Variants in PXDNL observed in about 807,000 individuals in gnomAD.
The protein encoded by PXDNL is peroxidasin like, also known as probable oxidoreductase PXDNL.
PXDNL carries 145 observed loss-of-function variants against 150.8 expected under a neutral mutation model. The ratio of observed to expected loss-of-function variants is 0.96; its 90% CI spans 0.84 to 1.10. The LOEUF (loss-of-function observed/expected upper bound fraction) is 1.10. Ranked by LOEUF, PXDNL falls within the 50% of genes least tolerant of loss-of-function variation. PXDNL has a pLI of 0.00. For synonymous variants in PXDNL, 757 were observed against 725.7 expected (o/e 1.04, Z -0.69); for missense variants, 2,087 against 1,873.9 (o/e 1.11, Z -2.10).
chr8:51,706,905 C>G (rs1275313627), intron 1 of PXDNL, among the ~76,000 whole-genome samples: 25 of 151,136 alleles, frequency 1.7e-4, no homozygotes, highest in Non-Finnish European at 2.9e-5. Context: ...TATGGAGGGT[C>G]TCCACATAAC....
chr8:51,781,837 A>T (rs1178474025), intron 1 of PXDNL, among the ~76,000 whole-genome samples: 2 of 152,182 alleles, frequency 1.3e-5, no homozygotes, highest in East Asian at 3.9e-4. Context: ...TCCAATCCAG[A>T]GCAAGAAAAG....
At chr8:51,492,234 T>G (rs1810912177) in intron 5 of PXDNL, among the ~76,000 whole-genome samples, 1 of 152,230 alleles carries the variant, frequency 6.6e-6, no homozygotes, top group South Asian at 2.1e-4. Flanking sequence ...AGCTATGTAA[T>G]TCTGCATTTT....
chr8:51,637,337 C>T (rs983528610), intron 2 of PXDNL, among the ~76,000 whole-genome samples: 3 of 152,148 alleles, frequency 2.0e-5, no homozygotes, highest in African/African-American at 4.8e-5. Flanking sequence ...AGCAATGGAA[C>T]AAAGCAGGAC....
Position 51,651,886 on chromosome 8 carries a change from G to C in PXDNL, c.236+2803C>G, listed in dbSNP as rs181157953. ...ACCACTTGGCTGTGCTGCAGCGGGT[G>C]AAATTCAGGGTCTGATAACAGATCC... On this transcript the variant is annotated intron_variant, in intron 2 of 22. Coordinates refer to ENST00000356297, the MANE Select transcript of PXDNL (RefSeq NM_144651.5). 1.1e-4 allele frequency among the ~76,000 whole-genome samples: 17 copies of C among 152,312 alleles called. No individual in the cohort carries two copies. The East Asian group carries it at 2.9e-3, about 26-fold the overall frequency.
At chr8:51,662,955 A>G (rs1440293758) in intron 1 of PXDNL, among the ~76,000 whole-genome samples, 1 of 152,204 alleles carries the variant, frequency 6.6e-6, no homozygotes, top group Non-Finnish European at 1.5e-5. Context: ...GATCTTTTTT[A>G]AATGAATCTG....
At chr8:51,721,133 A>G (rs1257588692) in intron 1 of PXDNL, among the ~76,000 whole-genome samples, 2 of 152,198 alleles carry the variant, frequency 1.3e-5, no homozygotes, top group Non-Finnish European at 2.9e-5. Context: ...CAACCTGCAG[A>G]CAACCTTCAA....
intron 1 of PXDNL, among the ~76,000 whole-genome samples, chr8:51,695,972 T>A (rs1418892224): frequency 6.6e-6 from 1 of 152,082 alleles, no homozygotes; most frequent in Non-Finnish European, 1.5e-5. Context: ...CATTTAGAGG[T>A]GAATAAAATT....
Position 51,408,752 on chromosome 8 carries a change from C to A in PXDNL, c.2872G>T (p.Asp958Tyr). 3 of 1,584,264 alleles carry A rather than the reference C, an allele frequency of 1.9e-6. No individual in the cohort carries two copies. Among genetic ancestry groups the A allele is most frequent in the South Asian group, 1.2e-5 (1 of 86,600 alleles). ...GCCAGATGCTCGTTGGCCCGGTGGT[C>A]CCCGGCCAGGAAACAGGGGCTCTCC... ...EQESPCFLAGDHRANEHLALA... is the reference protein window; with the variant it reads ...EQESPCFLAGYHRANEHLALA... The change falls in exon 17 of 23, where the codon GAC becomes TAC. Residue 958 changes from aspartate to tyrosine, a missense_variant. By Grantham distance (160) the Asp-to-Tyr change is radical. Transcript: ENST00000356297.
intron 2 of PXDNL, among the ~76,000 whole-genome samples, chr8:51,618,652 C>A (rs1008789512): frequency 5.9e-5 from 9 of 152,206 alleles, no homozygotes; most frequent in Admixed American, 6.5e-5. Context: ...TGAAATCAAA[C>A]TCCCTGTGGG....
intron 1 of PXDNL, among the ~76,000 whole-genome samples, chr8:51,680,814 A>G (rs995965221): frequency 6.6e-6 from 1 of 152,072 alleles, no homozygotes; most frequent in African/African-American, 2.4e-5. Flanking sequence ...GTCTCATAGG[A>G]CTGTTGTGAA....
At position 51,448,995 on chromosome 8, in the gene PXDNL, C is replaced by A; in HGVS notation, c.1366+7G>T. The A allele has an allele frequency of 6.9e-7, 1 of 1,447,248 alleles. No individual in the cohort carries two copies. Among genetic ancestry groups the A allele is most frequent in the South Asian group, 1.2e-5 (1 of 81,882 alleles). The allele number at this position is 1,447,248 out of a possible 1,614,324, so 89.7% of individuals were successfully genotyped here. The stretch of plus-strand genomic sequence containing the variant: ...TTCCCCACAATTACCTGCAGATGTT[C>A]TAATACCTGTTTTTGTCCAGACAAT... On this transcript the variant is annotated splice_region_variant and intron_variant, in intron 11 of 22. Coordinates refer to ENST00000356297, the MANE Select transcript of PXDNL (RefSeq NM_144651.5).
intron 1 of PXDNL, among the ~76,000 whole-genome samples, chr8:51,737,700 T>C (rs1467511871): frequency 1.3e-5 from 2 of 152,226 alleles, no homozygotes; most frequent in East Asian, 3.9e-4. Flanking sequence ...ACCCTGCTGA[T>C]GTCTGAAAGA....
intron 19 of PXDNL, among the ~76,000 whole-genome samples, chr8:51,351,640 C>T (rs1806355529): frequency 6.6e-6 from 1 of 152,176 alleles, no homozygotes; most frequent in Non-Finnish European, 1.5e-5. Context: ...ATCACACCTT[C>T]CGTGGCCAGA....
At chr8:51,728,953 T>C (rs981567554) in intron 1 of PXDNL, among the ~76,000 whole-genome samples, 1 of 152,190 alleles carries the variant, frequency 6.6e-6, no homozygotes, top group Non-Finnish European at 1.5e-5. Flanking sequence ...CCTACATAGG[T>C]GTACCAGTTT....
chr8:51,674,944 G>C (rs756954713), intron 1 of PXDNL, among the ~76,000 whole-genome samples: 4 of 152,200 alleles, frequency 2.6e-5, no homozygotes, highest in Non-Finnish European at 5.9e-5. Context: ...CCTGGACTTA[G>C]ATTTCTTAAT....
At chr8:51,392,270 G>C (rs1316382254) in intron 17 of PXDNL, among the ~76,000 whole-genome samples, 1 of 152,124 alleles carries the variant, frequency 6.6e-6, no homozygotes, top group Non-Finnish European at 1.5e-5. Flanking sequence ...TTCCACTTCT[G>C]TGAAGAAAGT....
chr8:51,707,446 C>T (rs2130892658), intron 1 of PXDNL, among the ~76,000 whole-genome samples: 1 of 152,290 alleles, frequency 6.6e-6, no homozygotes, highest in African/African-American at 2.4e-5. Flanking sequence ...ACTAAACATA[C>T]TCATCACCTC....
chr8:51,486,765 TATATATATATATATATATATATATATA>T (rs1810750041), intron 5 of PXDNL, among the ~76,000 whole-genome samples: 4 of 10,678 alleles, frequency 3.7e-4, no homozygotes, highest in African/African-American at 9.1e-4. Context: ...TATATATATA[TATATATATATATATATATATATATATA>T]TATTTTTTTT....
chr8:51,541,834 C>G (rs1356620751), intron 4 of PXDNL, among the ~76,000 whole-genome samples: 1 of 151,798 alleles, frequency 6.6e-6, no homozygotes, highest in Non-Finnish European at 1.5e-5. Context: ...TGGACCACAG[C>G]CCCTTGCAGC....
Sources: gnomAD v4.1 joint callset for allele counts (sites outside exome capture counted in the v4.1 genomes callset) on GRCh38, gnomAD v4.1.1 for gene constraint, MANE v1.5 for transcripts, NCBI Gene and HGNC (gene_info 2026-07-23, HGNC 2026-07-21) for gene names.